Variants in LENG8 observed in about 807,000 individuals in gnomAD.
LENG8 encodes leukocyte receptor cluster member 8.
A neutral mutation model predicts 102.1 loss-of-function variants in LENG8; 28 were observed. That is an observed-to-expected ratio of 0.27 (90% CI 0.20 to 0.38). The LOEUF is 0.38. LENG8 is among the 10% of genes least tolerant of loss of function. The probability of loss-of-function intolerance (pLI) is 1.00; values close to 1 mark genes in which losing one functional copy is unlikely to be tolerated. For synonymous variants in LENG8, 531 were observed against 456.7 expected (o/e 1.16, Z -2.07); for missense variants, 1,022 against 1,113.9 (o/e 0.92, Z 1.17).
Position 54,455,469 on chromosome 19 carries a change from C to T in LENG8, c.927C>T (p.Asp309=). The T allele has an allele frequency of 6.2e-7, 1 of 1,614,144 alleles. No individual in the cohort carries two copies. The highest frequency in any genetic ancestry group is 1.1e-5 in the South Asian group (1 of 91,086). The stretch of plus-strand genomic sequence containing the variant: ...TCACCGCCTGTGAGTCGGAGGAGGA[C>T]AAGGACCGCACGGAAAAGCTGCTCA... The part of the protein sequence containing the change: ...RCFTACESEE[D]KDRTEKLLKE... Residue 309 remains aspartate, a synonymous_variant, in exon 8 of 16, where the codon GAC becomes GAT. Coordinates refer to ENST00000326764, the MANE Select transcript of LENG8 (RefSeq NM_052925.4).
intron 15 of LENG8, chr19:54,459,907 C>T: frequency 8.5e-7 from 1 of 1,174,644 alleles, no homozygotes; most frequent in Non-Finnish European, 1.1e-6. Context: ...TCTCAAGCTT[C>T]TGTGCTACAC....
intron 3 of LENG8, 58 bp downstream of exon 3, chr19:54,452,325 G>T: frequency 6.9e-7 from 1 of 1,454,824 alleles, no homozygotes; most frequent in East Asian, 2.3e-5. Context: ...GAGGGACACA[G>T]TCTGGCGTCC....
Position 54,461,970 on chromosome 19 carries a change from C to T in LENG8, c.*1042C>T. ...TTCCTTTCCTTGGAGCACTGAGCACCATTTGGAAGCTTGAGAGAAACCAAA... is the reference window on the plus strand; with the variant it reads ...TTCCTTTCCTTGGAGCACTGAGCACTATTTGGAAGCTTGAGAGAAACCAAA... On this transcript the variant is annotated 3_prime_UTR_variant, in exon 16 of 16. Coordinates refer to ENST00000326764, the MANE Select transcript of LENG8 (RefSeq NM_052925.4). 1 of 1,145,818 alleles carries T rather than the reference C, an allele frequency of 8.7e-7. No individual in the cohort carries two copies. Among genetic ancestry groups the T allele is most frequent in the Non-Finnish European group, 1.3e-6 (1 of 773,520 alleles). The allele number at this position is 1,145,818 out of a possible 1,614,324, so 71.0% of individuals were successfully genotyped here. A position where few individuals can be genotyped will look rare whatever the true frequency, so the allele number is the denominator to read the frequency against.
At chr19:54,453,210 C>G (rs2123089926) in intron 4 of LENG8, among the ~76,000 whole-genome samples, 1 of 152,316 alleles carries the variant, frequency 6.6e-6, no homozygotes, top group East Asian at 1.9e-4. Context: ...ATCCTTATTG[C>G]TGGATGTATT....
chr19:54,461,706 T>TATG lies in LENG8; in HGVS notation c.*778_*779insATG. On this transcript the variant is annotated 3_prime_UTR_variant, in exon 16 of 16. Transcript: ENST00000326764. ...AAAACGGTTCCCCTCCCTCCCTGCC[T>TATG]TCATGGATCACCAGCTCACGTCATG... 1 of 490,670 alleles carries TATG rather than the reference T, an allele frequency of 2.0e-6. No individual in the cohort carries two copies. The highest frequency in any genetic ancestry group is 1.5e-5 in the South Asian group (1 of 64,628). The allele number at this position is 490,670 out of a possible 1,614,324, so 30.4% of individuals were successfully genotyped here.
rs963893450 is a variant in LENG8 at position 54,456,621 on chromosome 19, C to T, written c.1446-15C>T. 1 of 1,602,590 alleles carries T rather than the reference C, an allele frequency of 6.2e-7. No individual in the cohort carries two copies. The highest frequency in any genetic ancestry group is 1.7e-4 in the Middle Eastern group (1 of 6,014). On this transcript the variant is annotated splice_polypyrimidine_tract_variant and intron_variant, in intron 10 of 15. Coordinates refer to ENST00000326764, the MANE Select transcript of LENG8 (RefSeq NM_052925.4). ...GAGACGCCTGTCGCGCTCACTGCCC[C>T]TCATCCCTTCCTAGGCACGATCTGG... is the stretch of plus-strand genomic sequence containing the variant.
intron 8 of LENG8, 29 bp downstream of exon 8, chr19:54,455,596 A>AG (rs2084186519): frequency 1.3e-6 from 2 of 1,579,804 alleles, no homozygotes; most frequent in African/African-American, 1.3e-5. Flanking sequence ...CATAGGTGGG[A>AG]GGGTGGTGCT....
At chr19:54,451,968 A>C (rs149687841) in intron 2 of LENG8, 125 bp from the exon 3 acceptor site, 6 of 846,416 alleles carry the variant, frequency 7.1e-6, no homozygotes, top group Non-Finnish European at 1.1e-5. Context: ...CAGATTAGAA[A>C]ACTTAGGCTT....
chr19:54,460,724 C>G (rs746573145), intron 15 of LENG8, 42 bp from the exon 16 acceptor site: 1 of 1,227,424 alleles, frequency 8.1e-7, no homozygotes. Flanking sequence ...CCCCTGCCCT[C>G]CCGCCCGCCC....
chr19:54,460,277 A>G (rs2084462730), intron 15 of LENG8: 6 of 1,271,438 alleles, frequency 4.7e-6, no homozygotes, highest in Non-Finnish European at 6.1e-6. Context: ...CTCAGTCAGT[A>G]GTGTGTTTTA....
chr19:54,460,461 A>T lies in LENG8; in HGVS notation c.2241-305A>T, dbSNP rs1038587509. The stretch of plus-strand genomic sequence containing the variant: ...TCCCCTGCCACGTGCTGCTCCCTCC[A>T]TCTGGTCCCTGCCCCTCAGCCAGCG... On this transcript the variant is annotated intron_variant, in intron 15 of 15. Transcript: ENST00000326764. The T allele has an allele frequency of 4.6e-6, 6 of 1,300,538 alleles. No individual in the cohort carries two copies. In the African/African-American group the frequency reaches 9.0e-5, roughly 20 times the overall value. 80.6% of individuals were successfully genotyped at this position (1,300,538 alleles called of 1,614,324 possible).
intron 15 of LENG8, chr19:54,459,216 T>G: frequency 9.2e-7 from 1 of 1,091,866 alleles, no homozygotes; most frequent in Non-Finnish European, 1.1e-6. Context: ...GGGATGCTCT[T>G]GGCATCTAGT....
chr19:54,456,794 G>T lies in LENG8; in HGVS notation c.1604G>T (p.Ser535Ile), dbSNP rs751023077. 8 of 1,611,572 alleles carry T rather than the reference G, an allele frequency of 5.0e-6. No individual in the cohort carries two copies. The highest frequency in any genetic ancestry group is 6.8e-6 in the Non-Finnish European group (8 of 1,179,584). Reference protein sequence around the residue: ...RLEPLVLQMSSLESSGADPDW... With the variant: ...RLEPLVLQMSILESSGADPDW... ...GAGCCCCTGGTGCTGCAGATGAGCA[G>T]CCTGGAGAGCAGTGGGGCTGACCCT... is the stretch of plus-strand genomic sequence containing the variant. The change falls in exon 11 of 16, where the codon AGC becomes ATC. Residue 535 changes from serine to isoleucine, a missense_variant. Transcript: ENST00000326764.
intron 1 of LENG8, among the ~76,000 whole-genome samples, chr19:54,451,082 G>A (rs1326877999): frequency 6.6e-6 from 1 of 151,984 alleles, no homozygotes; most frequent in Non-Finnish European, 1.5e-5. Context: ...TTTCCACCTG[G>A]AGCTCTACAA....
chr19:54,449,906 C>T (rs2083876097), intron 1 of LENG8, among the ~76,000 whole-genome samples: 1 of 152,194 alleles, frequency 6.6e-6, no homozygotes, highest in Non-Finnish European at 1.5e-5. Flanking sequence ...TCGTCTCCAC[C>T]CACGCCCTGT....
Position 54,456,331 on chromosome 19 carries a change from C to T in LENG8, c.1311C>T (p.Ser437=), listed in dbSNP as rs758324550. 4 of 1,613,912 alleles carry T rather than the reference C, an allele frequency of 2.5e-6. No individual in the cohort carries two copies. The highest frequency in any genetic ancestry group is 1.3e-5 in the African/African-American group (1 of 74,926). Residue 437 remains serine (S), a synonymous_variant, in exon 10 of 16, where the codon TCC becomes TCT. Coordinates refer to ENST00000326764, the MANE Select transcript of LENG8 (RefSeq NM_052925.4). ...CTCCTGCTTCTTCCTGCAGTGACTCCCACTCAGACTCCGACAGCTCCTACT... is the reference window on the plus strand; with the variant it reads ...CTCCTGCTTCTTCCTGCAGTGACTCTCACTCAGACTCCGACAGCTCCTACT... ...SPTRHFRRSD[S]HSDSDSSYSG...
chr19:54,453,300 A>C (rs946227045), intron 4 of LENG8, among the ~76,000 whole-genome samples: 1 of 152,184 alleles, frequency 6.6e-6, no homozygotes, highest in Non-Finnish European at 1.5e-5. Context: ...GTTCTGTCGT[A>C]GTGCTTAGAA....
At position 54,456,112 on chromosome 19, in the gene LENG8, G is replaced by T; in HGVS notation, c.1171G>T (p.Gly391Cys). ...AGGGACGCCCGGGGCTGGGGGTGCC[G>T]GTCGAGCCCGGGGCAACAGCTTCAC... ...QRGTPGAGGA[G>C]RARGNSFTKF... The change falls in exon 9 of 16, where the codon GGT becomes TGT. Residue 391 changes from glycine to cysteine, a missense_variant. Around this residue, in one of 7 missense-constraint regions of LENG8, gnomAD observed 326 missense variants for 324.5 expected, o/e 1.00. Transcript: ENST00000326764. The T allele has an allele frequency of 6.2e-7, 1 of 1,609,644 alleles. No homozygotes were observed. The highest frequency in any genetic ancestry group is 8.5e-7 in the Non-Finnish European group (1 of 1,177,230).
intron 7 of LENG8, 33 bp from the exon 8 acceptor site, chr19:54,455,331 C>T (rs749556747): frequency 1.2e-6 from 2 of 1,609,868 alleles, no homozygotes; most frequent in Non-Finnish European, 1.7e-6. Flanking sequence ...TTGGGATCGT[C>T]TCCAGCTGAG....
Sources: gnomAD v4.1 joint callset for allele counts (sites outside exome capture counted in the v4.1 genomes callset) on GRCh38, gnomAD v4.1.1 for gene constraint, gnomAD v4.1.1 regional missense constraint, MANE v1.5 for transcripts, NCBI Gene and HGNC (gene_info 2026-07-23, HGNC 2026-07-21) for gene names.